KCNK12: variants seen among roughly 807,000 people sequenced by gnomAD.
The protein encoded by KCNK12 is potassium two pore domain channel subfamily K member 12.
A neutral mutation model predicts 25.3 loss-of-function variants in KCNK12; 6 were observed. That is an observed-to-expected ratio of 0.24 (90% confidence interval 0.13 to 0.47). KCNK12 has a LOEUF of 0.47. Among genes scored for constraint, KCNK12 ranks in the 20% least tolerant of loss-of-function variants. KCNK12 has a pLI of 0.99. For missense variants in KCNK12, 444 were observed against 661.7 expected (o/e 0.67, Z 3.61); for synonymous variants, 331 against 311.1 (o/e 1.06, Z -0.67).
intron 1 of KCNK12, among the ~76,000 whole-genome samples, chr2:47,541,679 G>C (rs990531601): frequency 6.6e-6 from 1 of 152,110 alleles, no homozygotes; most frequent in African/African-American, 2.4e-5. Flanking sequence ...AATCCAATAT[G>C]GCTGGTGTCC....
In KCNK12 at chr2:47,525,781, C is replaced by T. The variant is rs1668756647; in HGVS notation, c.392-3973G>A. On this transcript the variant is annotated intron_variant, in intron 1 of 1. Transcript: ENST00000327876. The surrounding 1 kb of genome is among the most constrained non-coding windows in gnomAD (Gnocchi z 4.1). ...GAGGAGGGATGGAGAGGGCAGTGCC[C>T]ACTCAGGGAATGGGGCAGGGAGTGG... is the stretch of plus-strand genomic sequence containing the variant. 6.6e-6 allele frequency among the ~76,000 whole-genome samples: 1 copy of T among 152,138 alleles called. No homozygotes were observed. The highest frequency in any genetic ancestry group is 2.4e-5 in the African/African-American group (1 of 41,432).
rs1669780034 is a variant in KCNK12, at chr2:47,565,983, A to T, written c.391+3958T>A. Reference sequence around the variant, plus strand: ...TCACATTAAAACAAACTTGATTTCAACCCCCAGGGAATATGTCACATAGCA... The same window carrying T: ...TCACATTAAAACAAACTTGATTTCATCCCCCAGGGAATATGTCACATAGCA... On this transcript the variant is annotated intron_variant, in intron 1 of 1. Transcript: ENST00000327876. The surrounding 1 kb of genome is among the most constrained non-coding windows in gnomAD (Gnocchi z 5.0). 1 of 152,182 alleles carries T rather than the reference A, an allele frequency of 6.6e-6. No homozygotes were observed. Among genetic ancestry groups the T allele is most frequent in the African/African-American group, 2.4e-5 (1 of 41,440 alleles). 9.4% of individuals were successfully genotyped at this position (152,182 alleles called of 1,614,324 possible). A position where few individuals can be genotyped will look rare whatever the true frequency, so the allele number is the denominator to read the frequency against.
rs934097882 is a variant in KCNK12, at chr2:47,519,420, G to A, written c.*1487C>T. The A allele has an allele frequency of 6.6e-6, 1 of 152,190 alleles. No individual in the cohort carries two copies. The highest frequency in any genetic ancestry group is 1.5e-5 in the Non-Finnish European group (1 of 68,050). The allele number at this position is 152,190 out of a possible 1,614,324, so 9.4% of individuals were successfully genotyped here. On this transcript the variant is annotated 3_prime_UTR_variant, in exon 2 of 2. Coordinates refer to ENST00000327876, the MANE Select transcript of KCNK12 (RefSeq NM_022055.2). The stretch of plus-strand genomic sequence containing the variant: ...TCTAAGACTTCCTATCAGAAGCTGT[G>A]CATACTGGTGGGTCACGCCGTGCCT...
At position 47,521,145 on chromosome 2, in the gene KCNK12, G is replaced by A; in HGVS notation, c.1055C>T (p.Pro352Leu). The A allele has an allele frequency of 7.9e-7, 1 of 1,265,616 alleles. No individual in the cohort carries two copies. The highest frequency in any genetic ancestry group is 9.9e-7 in the Non-Finnish European group (1 of 1,007,254). 78.4% of individuals were successfully genotyped at this position (1,265,616 alleles called of 1,614,324 possible). The change falls in exon 2 of 2, where the codon CCC becomes CTC. Residue 352 changes from proline (P) to leucine (L), a missense_variant. Transcript: ENST00000327876. ...RRRLAALGAD[P>L]AARDSDAEGR... Reference sequence around the variant, plus strand: ...CTCGGCGTCGCTGTCGCGGGCCGCGGGGTCGGCACCGAGCGCGGCCAGGCG... The same window carrying A: ...CTCGGCGTCGCTGTCGCGGGCCGCGAGGTCGGCACCGAGCGCGGCCAGGCG...
chr2:47,550,378 CTTTTTTTTTT>C (rs746872422), intron 1 of KCNK12, among the ~76,000 whole-genome samples: 1 of 103,182 alleles, frequency 9.7e-6, no homozygotes, highest in African/African-American at 4.5e-5. Context: ...TATTCACAGA[CTTTTTTTTTT>C]TTTTTTTTTT....
rs140889599 is a variant in KCNK12, at chr2:47,541,751, A to G, written c.392-19943T>C. Among the ~76,000 whole-genome samples the G allele has an allele frequency of 4.3e-3, 657 of 152,330 alleles. 4 individuals are homozygous for G. Among genetic ancestry groups the G allele is most frequent in the African/African-American group, 0.015 (634 of 41,578 alleles). ...AGGAAAACCACGTGAAGATATGGAGAAGGTGGTTGTCTGCAAGCCAAGGAG... is the reference window on the plus strand; with the variant it reads ...AGGAAAACCACGTGAAGATATGGAGGAGGTGGTTGTCTGCAAGCCAAGGAG... On this transcript the variant is annotated intron_variant, in intron 1 of 1. Transcript: ENST00000327876.
rs1208249486 is a variant in KCNK12, at chr2:47,511,146, T to C, written c.*9761A>G. ...ACCAAACGAATGGACAGGACAGAGC[T>C]GTGGGCTAGCAGGAAGGATATCTGG... On this transcript the variant is annotated 3_prime_UTR_variant, in exon 2 of 2. Transcript: ENST00000327876. The surrounding 1 kb of genome is among the most constrained non-coding windows in gnomAD (Gnocchi z 4.3). 6.6e-6 allele frequency among the ~76,000 whole-genome samples: 1 copy of C among 152,196 alleles called. No individual in the cohort carries two copies. Among genetic ancestry groups the C allele is most frequent in the Admixed American group, 6.5e-5 (1 of 15,282 alleles).
At chr2:47,554,999 T>C (rs1292285555) in intron 1 of KCNK12, among the ~76,000 whole-genome samples, 1 of 152,200 alleles carries the variant, frequency 6.6e-6, no homozygotes. Flanking sequence ...TGAAGACTCA[T>C]GGAGCAGTGT....
At position 47,528,392 on chromosome 2, in the gene KCNK12, G is replaced by T. The variant is rs1166861632; in HGVS notation, c.392-6584C>A. On this transcript the variant is annotated intron_variant, in intron 1 of 1. Coordinates refer to ENST00000327876, the MANE Select transcript of KCNK12 (RefSeq NM_022055.2). This position sits in a 1 kb window ranked among gnomAD's most constrained non-coding sequence, Gnocchi z 4.5. ...AGGTCAGTAGGTTCAGAGCTCTGGG[G>T]GGGTGCTGAGACCCTGGGACAGGCT... 1.3e-5 allele frequency: 2 copies of T among 152,416 alleles called. No individual in the cohort carries two copies. Among genetic ancestry groups the T allele is most frequent in the Non-Finnish European group, 2.9e-5 (2 of 68,220 alleles). 9.4% of individuals were successfully genotyped at this position (152,416 alleles called of 1,614,324 possible). A position where few individuals can be genotyped will look rare whatever the true frequency, so the allele number is the denominator to read the frequency against.
At position 47,509,819 on chromosome 2, in the gene KCNK12, G is replaced by A. The variant is rs1035917495; in HGVS notation, c.*11088C>T. On this transcript the variant is annotated 3_prime_UTR_variant, in exon 2 of 2. Transcript: ENST00000327876. ...ACCCCCTCCAATTTGTGTAAGGCCAGGGGACTTCCCCCCCACTCCCCAACC... is the reference window on the plus strand; with the variant it reads ...ACCCCCTCCAATTTGTGTAAGGCCAAGGGACTTCCCCCCCACTCCCCAACC... 6.6e-6 allele frequency among the ~76,000 whole-genome samples: 1 copy of A among 152,192 alleles called. No homozygotes were observed. The highest frequency in any genetic ancestry group is 1.9e-4 in the East Asian group (1 of 5,196).
Position 47,512,647 on chromosome 2 carries a change from T to A in KCNK12, c.*8260A>T, listed in dbSNP as rs1328701339. ...TGGCTAAAGTGTGCTAATGGGATGATGTGCCCTTGTACACCCACTGCCTCT... is the reference window on the plus strand; with the variant it reads ...TGGCTAAAGTGTGCTAATGGGATGAAGTGCCCTTGTACACCCACTGCCTCT... On this transcript the variant is annotated 3_prime_UTR_variant, in exon 2 of 2. Transcript: ENST00000327876. 9.0e-6 allele frequency: 5 copies of A among 556,416 alleles called. No individual in the cohort carries two copies. In the Admixed American group the frequency reaches 1.4e-4, roughly 15 times the overall value. The allele number at this position is 556,416 out of a possible 1,614,324, so 34.5% of individuals were successfully genotyped here.
chr2:47,554,638 G>A (rs148854101), intron 1 of KCNK12, among the ~76,000 whole-genome samples: 1,718 of 152,300 alleles, frequency 0.011, 9 homozygotes, highest in Middle Eastern at 0.027. Flanking sequence ...TGAGTGTCAT[G>A]GTGAAGAGTC....
At position 47,560,435 on chromosome 2, in the gene KCNK12, C is replaced by T. The variant is rs1340512530; in HGVS notation, c.391+9506G>A. On this transcript the variant is annotated intron_variant, in intron 1 of 1. Transcript: ENST00000327876. This position sits in a 1 kb window ranked among gnomAD's most constrained non-coding sequence, Gnocchi z 4.7. ...ATCCCAGAGTCCCCAAACTGTGCTT[C>T]AGCTCTCACTGATGCCTCCTCATCC... 6.6e-6 allele frequency among the ~76,000 whole-genome samples: 1 copy of T among 152,210 alleles called. No individual in the cohort carries two copies. The highest frequency in any genetic ancestry group is 6.5e-5 in the Admixed American group (1 of 15,292).
At position 47,517,266 on chromosome 2, in the gene KCNK12, G is replaced by C. The variant is rs1490902536; in HGVS notation, c.*3641C>G. ...AGAAGCTTCTCCTTTGGCCATGAGGGCTCAGTCATCCCTCACCCCAGAGTC... is the reference window on the plus strand; with the variant it reads ...AGAAGCTTCTCCTTTGGCCATGAGGCCTCAGTCATCCCTCACCCCAGAGTC... On this transcript the variant is annotated 3_prime_UTR_variant, in exon 2 of 2. Coordinates refer to ENST00000327876, the MANE Select transcript of KCNK12 (RefSeq NM_022055.2). This position sits in a 1 kb window ranked among gnomAD's most constrained non-coding sequence, Gnocchi z 4.1. 1.3e-5 allele frequency: 2 copies of C among 152,202 alleles called. No individual in the cohort carries two copies. The highest frequency in any genetic ancestry group is 1.3e-4 in the Admixed American group (2 of 15,282). 9.4% of individuals were successfully genotyped at this position (152,202 alleles called of 1,614,324 possible).
intron 1 of KCNK12, chr2:47,564,362 T>C (rs1389062108): frequency 8.8e-6 from 2 of 227,876 alleles, no homozygotes; most frequent in African/African-American, 4.4e-5. Flanking sequence ...CCCAAGGAGA[T>C]ATCACAGAAA....
chr2:47,530,565 G>C (rs1340703161), intron 1 of KCNK12, among the ~76,000 whole-genome samples: 1 of 152,130 alleles, frequency 6.6e-6, no homozygotes, highest in African/African-American at 2.4e-5. Flanking sequence ...CTATTTCCAC[G>C]CACCGTGCCA....
chr2:47,510,608 T>C lies in KCNK12; in HGVS notation c.*10299A>G, dbSNP rs1332707965. On this transcript the variant is annotated 3_prime_UTR_variant, in exon 2 of 2. Coordinates refer to ENST00000327876, the MANE Select transcript of KCNK12 (RefSeq NM_022055.2). ...CTCACCGCACGTATTTGGTCAGCTA[T>C]GAATATGACCAACTCTCGTCGTTTA... Among the ~76,000 whole-genome samples the C allele has an allele frequency of 2.6e-5, 4 of 152,196 alleles. No homozygotes were observed. The highest frequency in any genetic ancestry group is 5.9e-5 in the Non-Finnish European group (4 of 68,038).
chr2:47,521,105 C>A lies in KCNK12; in HGVS notation c.1095G>T (p.Ser365=), dbSNP rs947005341. Residue 365 remains serine, a synonymous_variant, in exon 2 of 2, where the codon TCG becomes TCT. Coordinates refer to ENST00000327876, the MANE Select transcript of KCNK12 (RefSeq NM_022055.2). ...RDSDAEGRRL[S]GELISMRDLT... ...GGTCGCGCATGGAGATGAGCTCGCC[C>A]GAGAGGCGGCGGCCCTCGGCGTCGC... 214 of 1,291,940 alleles carry A rather than the reference C, an allele frequency of 1.7e-4. No homozygotes were observed. The highest frequency in any genetic ancestry group is 2.0e-4 in the Non-Finnish European group (209 of 1,020,858). The allele number at this position is 1,291,940 out of a possible 1,614,324, so 80.0% of individuals were successfully genotyped here.
intron 1 of KCNK12, chr2:47,567,034 A>C (rs920156159): frequency 2.6e-5 from 4 of 152,230 alleles, no homozygotes; most frequent in African/African-American, 9.6e-5. Flanking sequence ...TAACCTTTCA[A>C]AATACAGCCT....
Sources: allele counts gnomAD v4.1 joint callset (sites outside exome capture counted in the v4.1 genomes callset), GRCh38; gene constraint gnomAD v4.1.1; non-coding constraint Gnocchi (gnomAD v3.1); transcripts MANE v1.5; gene names NCBI Gene and HGNC (gene_info 2026-07-23, HGNC 2026-07-21).